RABGAP1L: variants seen among roughly 807,000 people sequenced by gnomAD.
The protein encoded by RABGAP1L is RAB GTPase activating protein 1 like.
RABGAP1L carries 63 observed loss-of-function variants against 137.7 expected under a neutral mutation model. The ratio of observed to expected loss-of-function variants is 0.46; its 90% confidence interval spans 0.37 to 0.56. The LOEUF is 0.56. RABGAP1L is among the 20% of genes least tolerant of loss of function. The pLI is 0.00. For missense variants in RABGAP1L, 1,095 were observed against 1,244.0 expected (o/e 0.88, Z 1.80); for synonymous variants, 431 against 433.7 (o/e 0.99, Z 0.08).
intron 10 of RABGAP1L, among the ~76,000 whole-genome samples, chr1:174,284,834 G>C (rs1473717034): frequency 6.8e-6 from 1 of 147,244 alleles, no homozygotes; most frequent in East Asian, 2.0e-4. Context: ...TGGATATTCG[G>C]GTTCTATATG....
At chr1:174,554,235 A>G (rs1557843707) in intron 13 of RABGAP1L, among the ~76,000 whole-genome samples, 1 of 152,080 alleles carries the variant, frequency 6.6e-6, no homozygotes, top group Non-Finnish European at 1.5e-5. Context: ...CAATTTAAAA[A>G]CTTGGGCCTT....
Position 174,609,550 on chromosome 1 carries a change from C to A in RABGAP1L, c.1711-27825C>A, listed in dbSNP as rs116649174. 5.9e-3 allele frequency among the ~76,000 whole-genome samples: 895 copies of A among 152,186 alleles called. 15 individuals are homozygous for A. The highest frequency in any genetic ancestry group is 0.021 in the African/African-American group (860 of 41,520). ...CTGTCTCATATGGTATTAAGAACAG[C>A]AAAGAACCTGAGCCTGTTAAGCACT... On this transcript the variant is annotated intron_variant, in intron 13 of 25. Coordinates refer to ENST00000681986, the MANE Select transcript of RABGAP1L (RefSeq NM_001366446.1).
intron 13 of RABGAP1L, among the ~76,000 whole-genome samples, chr1:174,444,254 G>A (rs1654489018): frequency 2.0e-5 from 3 of 151,492 alleles, no homozygotes; most frequent in Non-Finnish European, 2.9e-5. Context: ...TCTGTATGTT[G>A]CTTTGGGTGA....
At chr1:174,964,863 G>C (rs1669475979) in intron 20 of RABGAP1L, 9 of 1,444,536 alleles carry the variant, frequency 6.2e-6, no homozygotes, top group Non-Finnish European at 8.2e-6. Flanking sequence ...AGAAGTGTCT[G>C]TTTTTGTTAT....
rs369161505 is a variant in RABGAP1L, at chr1:174,497,778, A to G, written c.1710+103633A>G. On this transcript the variant is annotated intron_variant, in intron 13 of 25. Transcript: ENST00000681986. ...AGTGACCTTGTCATTTGAACAAAAG[A>G]TTCCAAGAACCCTGTGTAGGTTGGT... 3.3e-5 allele frequency among the ~76,000 whole-genome samples: 5 copies of G among 152,256 alleles called. No individual in the cohort carries two copies. In the South Asian group the frequency reaches 6.2e-4, roughly 19 times the overall value.
chr1:174,301,761 G>A (rs920037645), intron 10 of RABGAP1L, among the ~76,000 whole-genome samples: 6 of 152,102 alleles, frequency 3.9e-5, no homozygotes, highest in African/African-American at 7.2e-5. Context: ...TGGTTTGTGA[G>A]TATGCAAAAA....
chr1:174,856,932 A>T (rs1649415244), intron 19 of RABGAP1L, among the ~76,000 whole-genome samples: 1 of 152,116 alleles, frequency 6.6e-6, no homozygotes, highest in Non-Finnish European at 1.5e-5. Context: ...GTCTCCAAAA[A>T]AAAAAAAAGT....
chr1:174,199,804 T>C (rs779254097), intron 1 of RABGAP1L, among the ~76,000 whole-genome samples: 11 of 152,142 alleles, frequency 7.2e-5, no homozygotes, highest in Admixed American at 1.3e-4. Flanking sequence ...CCTCATAATG[T>C]GGTTTGGCAA....
At chr1:174,657,330 C>G (rs907497043) in intron 14 of RABGAP1L, among the ~76,000 whole-genome samples, 9 of 152,120 alleles carry the variant, frequency 5.9e-5, no homozygotes, top group African/African-American at 2.2e-4. Context: ...TGCTATAGAA[C>G]ACTAGAACTT....
chr1:174,433,856 C>T (rs888860997), intron 13 of RABGAP1L, among the ~76,000 whole-genome samples: 3 of 152,108 alleles, frequency 2.0e-5, no homozygotes, highest in Non-Finnish European at 4.4e-5. Flanking sequence ...TAATTTAGGG[C>T]TCTCATTTCG....
intron 19 of RABGAP1L, among the ~76,000 whole-genome samples, chr1:174,824,194 G>A (rs1691331494): frequency 3.3e-5 from 5 of 152,140 alleles, no homozygotes; most frequent in Admixed American, 3.3e-4. Context: ...GGAGGCTGGG[G>A]CAAGAGAGTC....
At chr1:174,661,467 A>G (rs1200397832) in intron 14 of RABGAP1L, among the ~76,000 whole-genome samples, 2 of 152,224 alleles carry the variant, frequency 1.3e-5, no homozygotes, top group Non-Finnish European at 2.9e-5. Context: ...ATATTTATTT[A>G]GAGTCAATTT....
intron 13 of RABGAP1L, among the ~76,000 whole-genome samples, chr1:174,400,093 C>T (rs1648379858): frequency 6.6e-6 from 1 of 152,136 alleles, no homozygotes; most frequent in African/African-American, 2.4e-5. Flanking sequence ...AATATACAGC[C>T]AGCAGGCTAG....
intron 13 of RABGAP1L, among the ~76,000 whole-genome samples, chr1:174,397,683 C>G (rs917181234): frequency 1.3e-5 from 2 of 152,142 alleles, no homozygotes; most frequent in Non-Finnish European, 2.9e-5. Flanking sequence ...GATGGCTTTT[C>G]TACACCCAGC....
At chr1:174,394,428 CT>C (rs1179895688) in intron 13 of RABGAP1L, among the ~76,000 whole-genome samples, 1 of 152,056 alleles carries the variant, frequency 6.6e-6, no homozygotes, top group African/African-American at 2.4e-5. Flanking sequence ...TGTTTTCTAA[CT>C]TTTCAATTAA....
At chr1:174,819,549 T>A (rs953060261) in intron 19 of RABGAP1L, among the ~76,000 whole-genome samples, 1 of 152,148 alleles carries the variant, frequency 6.6e-6, no homozygotes, top group South Asian at 2.1e-4. Flanking sequence ...TAAAGATATA[T>A]GAGAGCAAAG....
chr1:174,258,743 A>T (rs1174187571), intron 7 of RABGAP1L, among the ~76,000 whole-genome samples: 1 of 152,084 alleles, frequency 6.6e-6, no homozygotes, highest in Non-Finnish European at 1.5e-5. Flanking sequence ...TAAAATCATT[A>T]TTTAAATTAT....
At chr1:174,536,914 A>G (rs915575962) in intron 13 of RABGAP1L, among the ~76,000 whole-genome samples, 2 of 152,104 alleles carry the variant, frequency 1.3e-5, no homozygotes, top group Non-Finnish European at 2.9e-5. Flanking sequence ...TTTTAAAACA[A>G]TTTTCTTTGG....
chr1:174,839,276 C>T (rs1001817102), intron 19 of RABGAP1L, among the ~76,000 whole-genome samples: 11 of 152,052 alleles, frequency 7.2e-5, no homozygotes, highest in African/African-American at 2.7e-4. Flanking sequence ...CAAAACATAC[C>T]TTTGTTCCTT....
Sources: allele counts gnomAD v4.1 joint callset (sites outside exome capture counted in the v4.1 genomes callset), GRCh38; gene constraint gnomAD v4.1.1; transcripts MANE v1.5; gene names NCBI Gene and HGNC (gene_info 2026-07-23, HGNC 2026-07-21).